The following RBMS1 variants were observed in gnomAD, a reference collection of about 807,000 sequenced individuals.
RBMS1 encodes the protein RNA-binding motif, single-stranded-interacting protein 1.
Under a neutral mutation model 62.3 loss-of-function variants are expected in RBMS1, and 17 were observed. That is an observed-to-expected ratio of 0.27 (90% CI 0.19 to 0.41). RBMS1 has a LOEUF of 0.41. RBMS1 is among the 10% of genes least tolerant of loss of function. RBMS1 has a pLI of 1.00. For missense variants in RBMS1, 334 were observed against 504.5 expected (o/e 0.66, Z 3.24); for synonymous variants, 172 against 170.0 (o/e 1.01, Z -0.09).
intron 1 of RBMS1, among the ~76,000 whole-genome samples, chr2:160,396,042 C>CT (rs1276919600): frequency 6.6e-6 from 1 of 152,186 alleles, no homozygotes; most frequent in Non-Finnish European, 1.5e-5. Flanking sequence ...CTCAATAACA[C>CT]TGAGTAACTA....
intron 1 of RBMS1, among the ~76,000 whole-genome samples, chr2:160,381,876 A>T (rs1694301761): frequency 6.6e-6 from 1 of 152,232 alleles, no homozygotes. Flanking sequence ...CATTACTGTG[A>T]AGGATTATTG....
rs371288447 is a variant in RBMS1 at position 160,307,505 on chromosome 2, T to A, written c.403-4018A>T. Among the ~76,000 whole-genome samples, 90 of 152,204 alleles carry A rather than the reference T, an allele frequency of 5.9e-4. 1 individual carries two copies. The South Asian group carries it at 0.017, about 28-fold the overall frequency. ...TAGATATAAACAATGTCCATTAGCG[T>A]TTTCTGTCTTTGTAGCTCGTTATCT... On this transcript the variant is annotated intron_variant, in intron 4 of 13. Transcript: ENST00000348849.
chr2:160,321,339 G>A (rs576231795), intron 2 of RBMS1, among the ~76,000 whole-genome samples: 13 of 152,132 alleles, frequency 8.5e-5, no homozygotes, highest in African/African-American at 3.1e-4. Context: ...TGCCCATTCA[G>A]CTTCCTCTTC....
intron 1 of RBMS1, among the ~76,000 whole-genome samples, chr2:160,382,434 A>G (rs1197217816): frequency 1.3e-5 from 2 of 152,252 alleles, no homozygotes; most frequent in African/African-American, 4.8e-5. Flanking sequence ...GACAGTAGAC[A>G]AATTATGACT....
At chr2:160,358,289 T>C (rs1213932723) in intron 2 of RBMS1, among the ~76,000 whole-genome samples, 1 of 152,148 alleles carries the variant, frequency 6.6e-6, no homozygotes, top group Admixed American at 6.6e-5. Flanking sequence ...GATGAGAGAA[T>C]TGAGTTACAA....
At chr2:160,406,366 C>A (rs1459100610) in intron 1 of RBMS1, among the ~76,000 whole-genome samples, 1 of 152,118 alleles carries the variant, frequency 6.6e-6, no homozygotes, top group Non-Finnish European at 1.5e-5. Context: ...CCTGTAAATA[C>A]CTAAAGGGAA....
At chr2:160,448,061 A>AT (rs1235160638) in intron 1 of RBMS1, among the ~76,000 whole-genome samples, 3 of 152,318 alleles carry the variant, frequency 2.0e-5, no homozygotes, top group African/African-American at 7.2e-5. Context: ...ACAAAATCTG[A>AT]TAACAGGACC....
chr2:160,345,637 C>G (rs1209982295), intron 2 of RBMS1, among the ~76,000 whole-genome samples: 3 of 152,142 alleles, frequency 2.0e-5, no homozygotes, highest in Non-Finnish European at 4.4e-5. Flanking sequence ...TTGTCTTTTA[C>G]TTATTCTTTG....
chr2:160,421,600 A>G (rs1454682123), intron 1 of RBMS1, among the ~76,000 whole-genome samples: 1 of 152,214 alleles, frequency 6.6e-6, no homozygotes, highest in Non-Finnish European at 1.5e-5. Context: ...TAGTGTCACA[A>G]TAAACATATG....
At chr2:160,454,328 T>C (rs1196060446) in intron 1 of RBMS1, among the ~76,000 whole-genome samples, 2 of 152,248 alleles carry the variant, frequency 1.3e-5, no homozygotes, top group African/African-American at 2.4e-5. Flanking sequence ...GACTGCTTAC[T>C]ATTTGTGCTA....
At chr2:160,408,401 C>G (rs1230770774) in intron 1 of RBMS1, 1 of 152,210 alleles carries the variant, frequency 6.6e-6, no homozygotes, top group Non-Finnish European at 1.5e-5. Context: ...ATCTCCATCC[C>G]CCGATTCACA....
intron 1 of RBMS1, among the ~76,000 whole-genome samples, chr2:160,390,781 GTCAC>G (rs1694825899): frequency 6.6e-6 from 1 of 151,202 alleles, no homozygotes; most frequent in Non-Finnish European, 1.5e-5. Flanking sequence ...GAAAGGGGCA[GTCAC>G]TCAGGATCCT....
intron 1 of RBMS1, among the ~76,000 whole-genome samples, chr2:160,488,291 A>C (rs957029682): frequency 6.6e-6 from 1 of 152,232 alleles, no homozygotes; most frequent in African/African-American, 2.4e-5. Flanking sequence ...ATAAAACAGC[A>C]GAGGCTGGGC....
chr2:160,327,331 T>C (rs531458653), intron 2 of RBMS1, among the ~76,000 whole-genome samples: 21 of 152,168 alleles, frequency 1.4e-4, no homozygotes, highest in Admixed American at 1.2e-3. Flanking sequence ...ATAAATAGTA[T>C]ATGAAGGTAA....
intron 1 of RBMS1, among the ~76,000 whole-genome samples, chr2:160,406,360 T>C (rs1174370612): frequency 6.6e-6 from 1 of 152,208 alleles, no homozygotes; most frequent in Non-Finnish European, 1.5e-5. Flanking sequence ...AATAATCCTG[T>C]AAATACCTAA....
intron 2 of RBMS1, among the ~76,000 whole-genome samples, chr2:160,358,080 A>G (rs1330356743): frequency 1.3e-5 from 2 of 152,186 alleles, no homozygotes; most frequent in Non-Finnish European, 2.9e-5. Context: ...AAAGGATTCT[A>G]TATTTCGCTT....
Position 160,334,683 on chromosome 2 carries a change from C to G in RBMS1, c.252-16456G>C, listed in dbSNP as rs926821168. On this transcript the variant is annotated intron_variant, in intron 2 of 13. Transcript: ENST00000348849. Reference sequence around the variant, plus strand: ...TACCAGAGCCAAGAATGGACCCGAGCCAGGAGGAATGTATGGAGCCAAGGA... The same window carrying G: ...TACCAGAGCCAAGAATGGACCCGAGGCAGGAGGAATGTATGGAGCCAAGGA... Among the ~76,000 whole-genome samples, 53 of 152,048 alleles carry G rather than the reference C, an allele frequency of 3.5e-4. 1 individual carries two copies. The highest frequency in any genetic ancestry group is 1.3e-3 in the African/African-American group (53 of 41,400).
At chr2:160,426,225 GAAAGAA>G (rs1559537039) in intron 1 of RBMS1, among the ~76,000 whole-genome samples, 36 of 78,052 alleles carry the variant, frequency 4.6e-4, no homozygotes, top group African/African-American at 1.9e-3. Flanking sequence ...ACAGAAGAAA[GAAAGAA>G]AGAAAGAAAG....
chr2:160,356,992 T>C (rs68189169), intron 2 of RBMS1, among the ~76,000 whole-genome samples: 38,293 of 151,964 alleles, frequency 0.25, 5,558 homozygotes, highest in East Asian at 0.53. Context: ...GGAAAAGTTA[T>C]ACATTTCTGA....
Sources: gnomAD v4.1 joint callset for allele counts (sites outside exome capture counted in the v4.1 genomes callset) on GRCh38, gnomAD v4.1.1 for gene constraint, MANE v1.5 for transcripts, NCBI Gene and HGNC (gene_info 2026-07-23, HGNC 2026-07-21) for gene names.